The following KCNJ6 variants were observed in gnomAD, a reference collection of about 807,000 sequenced individuals.
The protein encoded by KCNJ6 is G protein-activated inward rectifier potassium channel 2.
Under a neutral mutation model 34.2 loss-of-function variants are expected in KCNJ6, and 9 were observed. That is an observed-to-expected ratio of 0.26 (90% CI 0.16 to 0.46). KCNJ6 has a LOEUF of 0.46. Among genes scored for constraint, KCNJ6 ranks in the 20% least tolerant of loss-of-function variants. The pLI is 1.00. For synonymous variants in KCNJ6, 196 were observed against 207.1 expected, an observed-to-expected ratio of 0.95 and a Z score of 0.46; for missense variants, 236 against 531.3, an observed-to-expected ratio of 0.44 and a Z score of 5.46.
chr21:37,807,268 T>C (rs577950086), intron 2 of KCNJ6, among the ~76,000 whole-genome samples: 1 of 152,346 alleles, frequency 6.6e-6, no homozygotes, highest in Non-Finnish European at 1.5e-5. Flanking sequence ...TGGTTGGGAA[T>C]GAGTTATTCC....
At chr21:37,761,260 G>A (rs2055060648) in intron 2 of KCNJ6, among the ~76,000 whole-genome samples, 1 of 150,314 alleles carries the variant, frequency 6.7e-6, no homozygotes, top group African/African-American at 2.5e-5. Flanking sequence ...TGTGGTATAT[G>A]TGTGTTGTGT....
At chr21:37,704,689 C>T (rs1361152534) in intron 3 of KCNJ6, among the ~76,000 whole-genome samples, 2 of 152,088 alleles carry the variant, frequency 1.3e-5, no homozygotes, top group Non-Finnish European at 2.9e-5. Flanking sequence ...TCATCATCTC[C>T]AAAAAGGGTC....
chr21:37,814,835 T>C (rs1408431418), intron 2 of KCNJ6, among the ~76,000 whole-genome samples: 1 of 149,010 alleles, frequency 6.7e-6, no homozygotes, highest in Non-Finnish European at 1.5e-5. Context: ...GAGGCGGAGC[T>C]TGCAGTCAGC....
At chr21:37,802,178 G>A (rs1001528887) in intron 2 of KCNJ6, among the ~76,000 whole-genome samples, 5 of 152,156 alleles carry the variant, frequency 3.3e-5, no homozygotes, top group African/African-American at 1.2e-4. Context: ...TCCTCATCCT[G>A]TGGTCCTTTC....
rs79749543 is a variant in KCNJ6 at position 37,777,930 on chromosome 21, C to T, written c.25+62728G>A. ...TGTGGTTCAGCACACCTGGAGCCCA[C>T]GGAGGCAGGAGCCCAGGACATCCTT... On this transcript the variant is annotated intron_variant, in intron 2 of 3. Transcript: ENST00000609713. Among the ~76,000 whole-genome samples the T allele has an allele frequency of 4.8e-3, 731 of 152,254 alleles. 9 individuals carry two copies. Among genetic ancestry groups the T allele is most frequent in the African/African-American group, 0.016 (654 of 41,548 alleles).
chr21:37,870,283 T>G (rs957164872), intron 1 of KCNJ6, among the ~76,000 whole-genome samples: 5 of 142,050 alleles, frequency 3.5e-5, no homozygotes, highest in Admixed American at 7.3e-5. Context: ...GCATTGTATC[T>G]CTGGTGAGAT....
At chr21:37,864,861 GTCTC>G (rs1187208830) in intron 1 of KCNJ6, among the ~76,000 whole-genome samples, 2 of 146,892 alleles carry the variant, frequency 1.4e-5, no homozygotes, top group Non-Finnish European at 3.0e-5. Flanking sequence ...CTCCCCATCT[GTCTC>G]TCTCTCTTTT....
intron 1 of KCNJ6, among the ~76,000 whole-genome samples, chr21:37,857,688 T>C (rs2055572087): frequency 6.6e-6 from 1 of 152,168 alleles, no homozygotes; most frequent in Non-Finnish European, 1.5e-5. Context: ...ACACTTCCTT[T>C]CACAAATTAC....
chr21:37,658,882 C>T (rs2054475950), intron 3 of KCNJ6, among the ~76,000 whole-genome samples: 1 of 152,232 alleles, frequency 6.6e-6, no homozygotes, highest in East Asian at 1.9e-4. Context: ...CTGACCCCAA[C>T]ACATGAAGAG....
chr21:37,882,803 T>C (rs940114613), intron 1 of KCNJ6, among the ~76,000 whole-genome samples: 1 of 152,242 alleles, frequency 6.6e-6, no homozygotes, highest in Admixed American at 6.5e-5. Context: ...ACAGGCACTT[T>C]AGAGTTTGCA....
intron 3 of KCNJ6, among the ~76,000 whole-genome samples, chr21:37,655,694 G>C (rs1257233707): frequency 6.6e-6 from 1 of 152,142 alleles, no homozygotes; most frequent in Non-Finnish European, 1.5e-5. Flanking sequence ...TTGACTCAGG[G>C]ACCTTCTCTG....
At chr21:37,641,825 C>T (rs894861973) in intron 3 of KCNJ6, among the ~76,000 whole-genome samples, 3 of 151,954 alleles carry the variant, frequency 2.0e-5, no homozygotes, top group African/African-American at 7.3e-5. Context: ...TTCAATTGCA[C>T]GAAGAAGAAA....
intron 1 of KCNJ6, among the ~76,000 whole-genome samples, chr21:37,873,231 C>T (rs2055661218): frequency 6.6e-6 from 1 of 152,088 alleles, no homozygotes; most frequent in Admixed American, 6.5e-5. Context: ...TTATTAATAT[C>T]ATAACACTGA....
intron 2 of KCNJ6, among the ~76,000 whole-genome samples, chr21:37,835,753 G>T (rs2055448474): frequency 6.6e-6 from 1 of 152,174 alleles, no homozygotes; most frequent in Non-Finnish European, 1.5e-5. Context: ...TTTCATTTCA[G>T]TCAGTGGGTG....
intron 1 of KCNJ6, among the ~76,000 whole-genome samples, chr21:37,885,394 C>T (rs994045730): frequency 6.6e-6 from 1 of 152,162 alleles, no homozygotes; most frequent in Non-Finnish European, 1.5e-5. Flanking sequence ...GGGACACACA[C>T]CTGCTCCCAA....
intron 3 of KCNJ6, among the ~76,000 whole-genome samples, chr21:37,656,010 C>A (rs888648600): frequency 4.6e-5 from 7 of 152,178 alleles, no homozygotes; most frequent in Non-Finnish European, 8.8e-5. Flanking sequence ...GGGGGGCCTT[C>A]CTGGACCCTC....
intron 2 of KCNJ6, among the ~76,000 whole-genome samples, chr21:37,730,422 C>T (rs920931611): frequency 4.6e-5 from 7 of 152,148 alleles, no homozygotes; most frequent in Non-Finnish European, 7.3e-5. Flanking sequence ...GTTTCCTCAA[C>T]TGCATAATGA....
At chr21:37,729,515 G>A (rs2054873212) in intron 2 of KCNJ6, among the ~76,000 whole-genome samples, 1 of 152,102 alleles carries the variant, frequency 6.6e-6, no homozygotes, top group Non-Finnish European at 1.5e-5. Context: ...GTAGAGACAG[G>A]GTCTTGCCAT....
At chr21:37,666,593 A>C (rs1197926053) in intron 3 of KCNJ6, among the ~76,000 whole-genome samples, 2 of 152,170 alleles carry the variant, frequency 1.3e-5, no homozygotes. Context: ...CTGCCTGGCC[A>C]CTGTGCAATC....
Sources: allele counts gnomAD v4.1 joint callset (sites outside exome capture counted in the v4.1 genomes callset), GRCh38; gene constraint gnomAD v4.1.1; transcripts MANE v1.5; gene names NCBI Gene and HGNC (gene_info 2026-07-23, HGNC 2026-07-21).